The following CCL3 variants were observed in gnomAD, a reference collection of about 807,000 sequenced individuals.
The protein encoded by CCL3 is C-C motif chemokine 3.
In CCL3, 6 loss-of-function variants were observed where a neutral mutation model predicts 8.1. The ratio of observed to expected loss-of-function variants is 0.74; its 90% CI spans 0.41 to 1.46. The LOEUF (loss-of-function observed/expected upper bound fraction) is 1.46, where lower values mean the gene tolerates loss of function less well. Ranked by LOEUF, CCL3 falls within the 40% of genes most tolerant of loss-of-function variation. The pLI is 0.02. For missense variants in CCL3, 109 were observed against 117.7 expected (o/e 0.93, Z 0.34); for synonymous variants, 45 against 45.1 (o/e 1.00, Z 0.01).
chr17:36,089,566 CT>C (rs1568554303), intron 1 of CCL3: 19 of 607,044 alleles, frequency 3.1e-5, no homozygotes, highest in African/African-American at 7.4e-5. Context: ...GGAATTTTGT[CT>C]GGTTCAAGAA....
At chr17:36,089,906 CT>C in intron 1 of CCL3, 79 bp downstream of exon 1, 3 of 1,354,684 alleles carry the variant, frequency 2.2e-6, no homozygotes, top group Admixed American at 1.8e-5. Context: ...CTCTTGGGGG[CT>C]TTTAGGCCAC....
Position 36,089,315 on chromosome 17 carries a change from G to C in CCL3, c.74-18C>G. Reference sequence around the variant, plus strand: ...AGCAGCAACTGTGGAGAAAGGAAGAGAATGAGCCCGAGTCACAGCTCAGAA... The same window carrying C: ...AGCAGCAACTGTGGAGAAAGGAAGACAATGAGCCCGAGTCACAGCTCAGAA... On this transcript the variant is annotated intron_variant, in intron 1 of 2. Coordinates refer to ENST00000613922, the MANE Select transcript of CCL3 (RefSeq NM_002983.3). 1 of 1,614,108 alleles carries C rather than the reference G, an allele frequency of 6.2e-7. No individual in the cohort carries two copies. The highest frequency in any genetic ancestry group is 8.5e-7 in the Non-Finnish European group (1 of 1,179,978).
chr17:36,089,508 TGATCCA>T (rs2067023122), intron 1 of CCL3: 1 of 633,840 alleles, frequency 1.6e-6, no homozygotes, highest in Non-Finnish European at 2.8e-6. Context: ...TTTCTCTGTG[TGATCCA>T]GATACCTGAA....
chr17:36,089,407 T>A, intron 1 of CCL3, 110 bp from the exon 2 acceptor site: 2 of 1,369,574 alleles, frequency 1.5e-6, no homozygotes, highest in Non-Finnish European at 2.1e-6. Flanking sequence ...ACCAAGTGAC[T>A]GGAAGGCATT....
In CCL3 at chr17:36,088,742, C is replaced by T. The variant is rs748914581; in HGVS notation, c.209G>A (p.Arg70Gln). Residue 70 changes from arginine to glutamine, a missense_variant, in exon 3 of 3, where the codon CGG becomes CAG. Transcript: ENST00000613922. The stretch of plus-strand genomic sequence containing the variant: ...CTCACTGGGGTCAGCACAGACCTGC[C>T]GGCTTCGCTTGGTTAGGAAGCTGTG... The part of the protein sequence containing the change: ...PGVIFLTKRS[R>Q]QVCADPSEEW... 29 of 1,613,762 alleles carry T rather than the reference C, an allele frequency of 1.8e-5. No individual in the cohort carries two copies. Among genetic ancestry groups the T allele is most frequent in the Non-Finnish European group, 2.2e-5 (26 of 1,179,876 alleles).
In CCL3 at chr17:36,088,636, C is replaced by T; in HGVS notation, c.*36G>A. 6.2e-7 allele frequency: 1 copy of T among 1,611,610 alleles called. No individual in the cohort carries two copies. Among genetic ancestry groups the T allele is most frequent in the Non-Finnish European group, 8.5e-7 (1 of 1,179,056 alleles). On this transcript the variant is annotated 3_prime_UTR_variant, in exon 3 of 3. Coordinates refer to ENST00000613922, the MANE Select transcript of CCL3 (RefSeq NM_002983.3). ...GGCTCCTGCTCCTCCCCACTGGGCC[C>T]ACCGAGGTCGCTGGGCCTCGAAGCT...
At chr17:36,089,862 A>T (rs1338774961) in intron 1 of CCL3, 124 bp downstream of exon 1, 1 of 914,378 alleles carries the variant, frequency 1.1e-6, no homozygotes, top group Non-Finnish European at 1.8e-6. Flanking sequence ...AGAAAGACCA[A>T]GATGTTTGGC....
At chr17:36,088,860 T>TGTGGAG in intron 2 of CCL3, 98 bp from the exon 3 acceptor site, 1 of 1,511,380 alleles carries the variant, frequency 6.6e-7, no homozygotes, top group East Asian at 2.3e-5. Flanking sequence ...CCTGGGCAGC[T>TGTGGAG]CAGGGCTTGC....
intron 2 of CCL3, among the ~76,000 whole-genome samples, 194 bp downstream of exon 2, chr17:36,088,989 G>C (rs775520812): frequency 5.3e-5 from 8 of 152,160 alleles, no homozygotes; most frequent in African/African-American, 1.9e-4. Flanking sequence ...CTCTGGGCTG[G>C]GGCAGCCCTT....
intron 1 of CCL3, 61 bp downstream of exon 1, chr17:36,089,925 G>A (rs1247434752): frequency 6.7e-6 from 10 of 1,489,572 alleles, no homozygotes; most frequent in Middle Eastern, 1.7e-4. Context: ...CACAAGAAAA[G>A]ATTGATGTGG....
Position 36,089,295 on chromosome 17 carries a change from C to G in CCL3, c.76G>C (p.Ala26Pro). 6.2e-7 allele frequency: 1 copy of G among 1,614,056 alleles called. No homozygotes were observed. Among genetic ancestry groups the G allele is most frequent in the Non-Finnish European group, 8.5e-7 (1 of 1,179,982 alleles). Residue 26 changes from alanine (A) to proline (P), a missense_variant and splice_region_variant, in exon 2 of 3, where the codon GCT becomes CCT. By Grantham distance (27) the Ala-to-Pro change is conservative (BLOSUM62 -1). Coordinates refer to ENST00000613922, the MANE Select transcript of CCL3 (RefSeq NM_002983.3). ...CAGCAGGCGGTCGGCGTGTCAGCAG[C>G]AACTGTGGAGAAAGGAAGAGAATGA... ...ALCNQFSASL[A>P]ADTPTACCFS...
chr17:36,088,849 T>C, intron 2 of CCL3, 87 bp from the exon 3 acceptor site: 1 of 1,550,314 alleles, frequency 6.5e-7, no homozygotes, highest in Non-Finnish European at 8.9e-7. Context: ...CTGCTCTCTG[T>C]CCTGGGCAGC....
At chr17:36,089,085 G>C (rs1350665903) in intron 2 of CCL3, 98 bp downstream of exon 2, 2 of 1,506,876 alleles carry the variant, frequency 1.3e-6, no homozygotes, top group African/African-American at 2.8e-5. Flanking sequence ...ATAGGCTCCT[G>C]AAGGCTGGGC....
chr17:36,089,717 G>C (rs1433957604), intron 1 of CCL3: 1 of 687,968 alleles, frequency 1.5e-6, no homozygotes, highest in Non-Finnish European at 2.7e-6. Context: ...TCTGCCTCTT[G>C]CTAACTGATT....
In CCL3 at chr17:36,089,318, T is replaced by A. The variant is rs778064627; in HGVS notation, c.74-21A>T. ...AGCAACTGTGGAGAAAGGAAGAGAA[T>A]GAGCCCGAGTCACAGCTCAGAAGAA... On this transcript the variant is annotated intron_variant, in intron 1 of 2. Transcript: ENST00000613922. 5 of 1,614,040 alleles carry A rather than the reference T, an allele frequency of 3.1e-6. No individual in the cohort carries two copies. In the Admixed American group the frequency reaches 5.0e-5, roughly 16 times the overall value.
intron 2 of CCL3, 29 bp from the exon 3 acceptor site, chr17:36,088,791 C>T (rs753553385): frequency 1.2e-6 from 2 of 1,613,124 alleles, no homozygotes; most frequent in Non-Finnish European, 1.7e-6. Context: ...GAGTTAAGCA[C>T]TGGGGAATCC....
At position 36,088,733 on chromosome 17, in the gene CCL3, C is replaced by T; in HGVS notation, c.218G>A (p.Cys73Tyr). 1 of 1,613,890 alleles carries T rather than the reference C, an allele frequency of 6.2e-7. No individual in the cohort carries two copies. Among genetic ancestry groups the T allele is most frequent in the Non-Finnish European group, 8.5e-7 (1 of 1,179,878 alleles). The change falls in exon 3 of 3, where the codon TGT becomes TAT. Residue 73 changes from cysteine (C) to tyrosine (Y), a missense_variant. Coordinates refer to ENST00000613922, the MANE Select transcript of CCL3 (RefSeq NM_002983.3). ...IFLTKRSRQV[C>Y]ADPSEEWVQK... ...GACCCACTCCTCACTGGGGTCAGCACAGACCTGCCGGCTTCGCTTGGTTAG... is the reference window on the plus strand; with the variant it reads ...GACCCACTCCTCACTGGGGTCAGCATAGACCTGCCGGCTTCGCTTGGTTAG...
intron 1 of CCL3, 42 bp downstream of exon 1, chr17:36,089,944 T>C (rs2067030201): frequency 1.3e-6 from 2 of 1,569,318 alleles, no homozygotes; most frequent in South Asian, 1.1e-5. Flanking sequence ...GGTCTAACCA[T>C]GGCCAGAGAG....
intron 1 of CCL3, chr17:36,089,569 G>C: frequency 1.6e-6 from 1 of 606,698 alleles, no homozygotes; most frequent in Non-Finnish European, 2.9e-6. Context: ...ATTTTGTCTG[G>C]TTCAAGAAGT....
Sources: allele counts gnomAD v4.1 joint callset (sites outside exome capture counted in the v4.1 genomes callset), GRCh38; gene constraint gnomAD v4.1.1; transcripts MANE v1.5; gene names NCBI Gene and HGNC (gene_info 2026-07-23, HGNC 2026-07-21).